The following ARMC2 variants were observed in gnomAD, a reference collection of about 807,000 sequenced individuals.
ARMC2 encodes the protein armadillo repeat-containing protein 2.
In ARMC2, 67 loss-of-function variants were observed where a neutral mutation model predicts 90.3. That is an observed-to-expected ratio of 0.74 (90% confidence interval 0.61 to 0.91). ARMC2 has a LOEUF of 0.91. Among genes scored for constraint, ARMC2 ranks in the 40% least tolerant of loss-of-function variants. The pLI, the probability that ARMC2 is intolerant of heterozygous loss-of-function variation, is 0.00. For missense variants in ARMC2, 920 were observed against 1,030.9 expected (o/e 0.89, Z 1.47); for synonymous variants, 393 against 393.0 (o/e 1.00, Z 0.00).
At chr6:108,862,689 G>A (rs1775395420) in intron 3 of ARMC2, among the ~76,000 whole-genome samples, 1 of 152,250 alleles carries the variant, frequency 6.6e-6, no homozygotes, top group East Asian at 1.9e-4. Context: ...GAGATAACTG[G>A]AGAGAGAGGG....
chr6:108,922,969 A>C (rs898207501), intron 10 of ARMC2: 1 of 152,204 alleles, frequency 6.6e-6, no homozygotes, highest in Admixed American at 6.5e-5. Flanking sequence ...AAGCAAGGAA[A>C]CTTACATTTG....
At position 108,899,910 on chromosome 6, in the gene ARMC2, T is replaced by C. The variant is rs911046825; in HGVS notation, c.847+118T>C. On this transcript the variant is annotated intron_variant, in intron 7 of 17. Coordinates refer to ENST00000392644, the MANE Select transcript of ARMC2 (RefSeq NM_032131.6). ...TTTAGTAAGTTTTCACTATCATTTCTGTGAACATGTTCAAAAACAAATGAA... is the reference window on the plus strand; with the variant it reads ...TTTAGTAAGTTTTCACTATCATTTCCGTGAACATGTTCAAAAACAAATGAA... The C allele has an allele frequency of 4.0e-6, 3 of 741,902 alleles. No homozygotes were observed. The African/African-American group carries it at 5.4e-5, about 13-fold the overall frequency. 46.0% of individuals were successfully genotyped at this position (741,902 alleles called of 1,614,324 possible). A position where few individuals can be genotyped will look rare whatever the true frequency, so the allele number is the denominator to read the frequency against.
chr6:109,035,047 G>A, the ARMC2 span, among the ~76,000 whole-genome samples: 1 of 152,094 alleles, frequency 6.6e-6, no homozygotes, highest in Non-Finnish European at 1.5e-5. Flanking sequence ...TCAACTTATG[G>A]TGAGAAAGAA....
chr6:108,983,488 AC>A, the ARMC2 span, among the ~76,000 whole-genome samples: 31 of 152,210 alleles, frequency 2.0e-4, no homozygotes, highest in Middle Eastern at 0.014. Flanking sequence ...TTTTCCTAGC[AC>A]CATTTGTTAA....
chr6:108,962,326 G>T (rs1388962121), intron 15 of ARMC2, among the ~76,000 whole-genome samples, 199 bp downstream of exon 15: 1 of 152,164 alleles, frequency 6.6e-6, no homozygotes, highest in African/African-American at 2.4e-5. Context: ...GGCCTTCTGT[G>T]CTCCAAGATG....
At chr6:108,904,442 C>CTTTTATAT in intron 8 of ARMC2, 37 bp downstream of exon 8, 1 of 1,500,858 alleles carries the variant, frequency 6.7e-7, no homozygotes, top group Non-Finnish European at 9.0e-7. Context: ...TAGACTATAT[C>CTTTTATAT]ACATAAAAGC....
intron 3 of ARMC2, among the ~76,000 whole-genome samples, chr6:108,865,842 AC>A (rs1372379930): frequency 6.6e-6 from 1 of 151,964 alleles, no homozygotes; most frequent in East Asian, 1.9e-4. Flanking sequence ...ACATAGGGAG[AC>A]CCTGTCTCTA....
intron 13 of ARMC2, 33 bp from the exon 14 acceptor site, chr6:108,961,539 G>T (rs777236398): frequency 2.6e-6 from 4 of 1,566,378 alleles, no homozygotes; most frequent in Non-Finnish European, 3.5e-6. Flanking sequence ...CCTGCAGTGG[G>T]TCTTTGACTC....
chr6:108,976,122 G>T (rs1222939011), downstream of ARMC2, among the ~76,000 whole-genome samples: 1 of 152,134 alleles, frequency 6.6e-6, no homozygotes, highest in African/African-American at 2.4e-5. Context: ...TTCTTCTAGG[G>T]TTTTTATGGT....
chr6:109,040,009 T>C, the ARMC2 span, among the ~76,000 whole-genome samples: 1 of 152,206 alleles, frequency 6.6e-6, no homozygotes, highest in African/African-American at 2.4e-5. Context: ...TGAGAGAATG[T>C]GTATGGCTGA....
the ARMC2 span, among the ~76,000 whole-genome samples, chr6:108,980,585 C>G: frequency 6.6e-6 from 1 of 151,214 alleles, no homozygotes; most frequent in Non-Finnish European, 1.5e-5. Context: ...TTTAAGTTTG[C>G]TGACACTGCA....
intron 5 of ARMC2, among the ~76,000 whole-genome samples, chr6:108,893,353 G>A (rs1771284856): frequency 6.6e-6 from 1 of 152,124 alleles, no homozygotes; most frequent in Admixed American, 6.5e-5. Context: ...TTTATGTAGT[G>A]GAAAGAGAAG....
the ARMC2 span, among the ~76,000 whole-genome samples, chr6:109,040,731 C>T: frequency 1.3e-5 from 2 of 151,404 alleles, no homozygotes; most frequent in Non-Finnish European, 2.9e-5. Flanking sequence ...CATCTCACTG[C>T]AAGCTCTGCC....
intron 11 of ARMC2, among the ~76,000 whole-genome samples, chr6:108,933,038 A>G (rs940953369): frequency 1.1e-4 from 17 of 151,214 alleles, no homozygotes; most frequent in African/African-American, 3.4e-4. Flanking sequence ...TTCCTTGGCT[A>G]TTTGAGCTCA....
At position 108,899,698 on chromosome 6, in the gene ARMC2, A is replaced by G. The variant is rs766022449; in HGVS notation, c.753A>G (p.Pro251=). The G allele has an allele frequency of 1.2e-6, 2 of 1,613,050 alleles. No homozygotes were observed. Among genetic ancestry groups the G allele is most frequent in the East Asian group, 2.2e-5 (1 of 44,822 alleles). Residue 251 remains proline (P), a synonymous_variant, in exon 7 of 18, where the codon CCA becomes CCG. Coordinates refer to ENST00000392644, the MANE Select transcript of ARMC2 (RefSeq NM_032131.6). ...TGCTCTGGATTTCTTTTGCAGTCCC[A>G]AAAGCTGACCTGCAAGAAGAGGACG... The part of the protein sequence containing the change: ...DLSRLQTKAV[P]KADLQEEDAE...
At chr6:108,998,945 C>T in the ARMC2 span, 28 of 523,744 alleles carry the variant, frequency 5.3e-5, no homozygotes, top group East Asian at 9.0e-4. Flanking sequence ...TAGAACTTAA[C>T]ATAATCTGTT....
At chr6:108,925,170 A>G (rs1485901210) in intron 10 of ARMC2, among the ~76,000 whole-genome samples, 1 of 152,226 alleles carries the variant, frequency 6.6e-6, no homozygotes, top group Non-Finnish European at 1.5e-5. Context: ...TCTTAAACAT[A>G]GACAAGTTAG....
At chr6:108,937,504 C>T (rs988106788) in intron 12 of ARMC2, among the ~76,000 whole-genome samples, 3 of 152,096 alleles carry the variant, frequency 2.0e-5, no homozygotes, top group Non-Finnish European at 4.4e-5. Context: ...TCTTCTAGCC[C>T]TTAAGTTCTC....
intron 12 of ARMC2, among the ~76,000 whole-genome samples, chr6:108,948,801 A>T (rs1230109424): frequency 6.6e-6 from 1 of 152,116 alleles, no homozygotes; most frequent in East Asian, 1.9e-4. Context: ...GAAAAGCAGC[A>T]CTTAGTCTTC....
Sources: allele counts gnomAD v4.1 joint callset (sites outside exome capture counted in the v4.1 genomes callset), GRCh38; gene constraint gnomAD v4.1.1; transcripts MANE v1.5; gene names NCBI Gene and HGNC (gene_info 2026-07-23, HGNC 2026-07-21).